Variants in BICD1 observed in about 807,000 individuals in gnomAD.
The protein encoded by BICD1 is protein bicaudal D homolog 1.
In BICD1, 35 loss-of-function variants were observed where a neutral mutation model predicts 92.5. The observed-to-expected ratio is 0.38, with a 90% CI of 0.29 to 0.50. The LOEUF (loss-of-function observed/expected upper bound fraction) is 0.50. BICD1 is among the 20% of genes least tolerant of loss of function. The pLI is 0.93. For missense variants in BICD1, 950 were observed against 1,189.8 expected, an observed-to-expected ratio of 0.80 and a Z score of 2.97; for synonymous variants, 429 against 465.1, an observed-to-expected ratio of 0.92 and a Z score of 1.00.
At chr12:32,299,344 A>C (rs1947968478) in intron 3 of BICD1, among the ~76,000 whole-genome samples, 5 of 152,122 alleles carry the variant, frequency 3.3e-5, no homozygotes, top group Admixed American at 3.3e-4. Context: ...GGCTCTAATC[A>C]CATGGTGCAG....
At chr12:32,147,485 TAAG>T (rs34003824) in intron 1 of BICD1, among the ~76,000 whole-genome samples, 27,073 of 152,142 alleles carry the variant, frequency 0.18, 2,488 homozygotes, top group East Asian at 0.21. Flanking sequence ...TACGATTTAC[TAAG>T]AAGAATTTTT....
intron 1 of BICD1, among the ~76,000 whole-genome samples, chr12:32,189,662 T>C (rs573025286): frequency 6.6e-6 from 1 of 151,666 alleles, no homozygotes; most frequent in Non-Finnish European, 1.5e-5. Flanking sequence ...ATCAACACCA[T>C]AGAATGGTGG....
At chr12:32,169,798 C>T (rs1805205678) in intron 1 of BICD1, among the ~76,000 whole-genome samples, 1 of 152,102 alleles carries the variant, frequency 6.6e-6, no homozygotes, top group South Asian at 2.1e-4. Flanking sequence ...CTGTGTTGCC[C>T]AGGCTGGTCT....
intron 1 of BICD1, among the ~76,000 whole-genome samples, chr12:32,113,784 A>C (rs1941787720): frequency 6.8e-6 from 1 of 148,038 alleles, no homozygotes; most frequent in Non-Finnish European, 1.5e-5. Flanking sequence ...ATCTCAGCTC[A>C]CTGCAACCTC....
intron 1 of BICD1, among the ~76,000 whole-genome samples, chr12:32,139,880 A>C (rs1467907384): frequency 6.6e-6 from 1 of 152,186 alleles, no homozygotes; most frequent in East Asian, 1.9e-4. Context: ...GTTAAAAAAA[A>C]AATACTGGTA....
At chr12:32,140,164 C>T (rs994658423) in intron 1 of BICD1, among the ~76,000 whole-genome samples, 1 of 152,036 alleles carries the variant, frequency 6.6e-6, no homozygotes, top group Non-Finnish European at 1.5e-5. Flanking sequence ...TTTTTTTTTC[C>T]TGCATGGGTC....
At chr12:32,142,405 T>TAAAAAAAAAAAAAAA (rs1162662533) in intron 1 of BICD1, among the ~76,000 whole-genome samples, 2 of 63,388 alleles carry the variant, frequency 3.2e-5, no homozygotes, top group African/African-American at 1.4e-4. Context: ...AGACTCTGTC[T>TAAAAAAAAAAAAAAA]AAAAAAAAAA....
chr12:32,277,406 C>T (rs1306972666), intron 2 of BICD1, among the ~76,000 whole-genome samples: 1 of 152,152 alleles, frequency 6.6e-6, no homozygotes, highest in Non-Finnish European at 1.5e-5. Flanking sequence ...AAAACAAAAA[C>T]AAACAGTAAC....
At chr12:32,127,378 C>T (rs1403583973) in intron 1 of BICD1, among the ~76,000 whole-genome samples, 22 of 152,076 alleles carry the variant, frequency 1.4e-4, no homozygotes, top group Non-Finnish European at 1.5e-5. Context: ...TCCACCCCAC[C>T]CCCCAATAAA....
chr12:32,149,099 C>T (rs1298969488), intron 1 of BICD1, among the ~76,000 whole-genome samples: 2 of 151,970 alleles, frequency 1.3e-5, no homozygotes, highest in East Asian at 1.9e-4. Flanking sequence ...CATTTTTAAG[C>T]ATTTCATACA....
chr12:32,334,373 C>A, intron 5 of BICD1, 143 bp from the exon 6 acceptor site: 1 of 832,102 alleles, frequency 1.2e-6, no homozygotes, highest in South Asian at 2.7e-5. Context: ...GTGTCCAAAG[C>A]GCATACCTAT....
At chr12:32,192,000 C>T (rs528242897) in intron 1 of BICD1, among the ~76,000 whole-genome samples, 10 of 152,116 alleles carry the variant, frequency 6.6e-5, no homozygotes, top group South Asian at 2.1e-4. Context: ...CACTTTAAAT[C>T]GAAATGTAGA....
chr12:32,327,461 G>A lies in BICD1; in HGVS notation c.1006G>A (p.Val336Ile), dbSNP rs749817151. Residue 336 changes from valine to isoleucine, a missense_variant and splice_region_variant, in exon 5 of 10, where the codon GTA becomes ATA. Around this residue, in one of 5 missense-constraint regions of BICD1, gnomAD observed 246 missense variants for 258.4 expected, o/e 0.95. Coordinates refer to ENST00000652176, the MANE Select transcript of BICD1 (RefSeq NM_001714.4). Reference protein sequence around the residue: ...IQKLKQQLMQVEREKAILLAN... With the variant: ...IQKLKQQLMQIEREKAILLAN... Reference sequence around the variant, plus strand: ...CAGAAACTTTCTTTTGCCATTGCAGGTAGAGCGGGAAAAGGCCATTCTTTT... The same window carrying A: ...CAGAAACTTTCTTTTGCCATTGCAGATAGAGCGGGAAAAGGCCATTCTTTT... The A allele has an allele frequency of 1.9e-6, 3 of 1,594,086 alleles. No homozygotes were observed. Among genetic ancestry groups the A allele is most frequent in the Admixed American group, 1.7e-5 (1 of 57,404 alleles).
intron 8 of BICD1, among the ~76,000 whole-genome samples, chr12:32,361,654 G>C (rs1424809657): frequency 6.6e-6 from 1 of 152,086 alleles, no homozygotes; most frequent in Non-Finnish European, 1.5e-5. Context: ...ATGGGAACAC[G>C]TGGAGCATCC....
At chr12:32,183,884 TA>T (rs1944352455) in intron 1 of BICD1, among the ~76,000 whole-genome samples, 1 of 152,130 alleles carries the variant, frequency 6.6e-6, no homozygotes, top group South Asian at 2.1e-4. Flanking sequence ...TAGAGGTTGC[TA>T]GGGGGAGGGT....
intron 1 of BICD1, among the ~76,000 whole-genome samples, chr12:32,142,440 C>T (rs1251584729): frequency 4.0e-5 from 1 of 25,044 alleles, no homozygotes; most frequent in Admixed American, 4.7e-4. Flanking sequence ...AACAAAAAAC[C>T]CCACCTATCT....
chr12:32,163,562 C>T (rs1440217937), intron 1 of BICD1, among the ~76,000 whole-genome samples: 2 of 152,104 alleles, frequency 1.3e-5, no homozygotes, highest in Admixed American at 6.6e-5. Context: ...CTTGTTCACT[C>T]AAGACTGTAT....
chr12:32,148,381 C>T (rs1668676303), intron 1 of BICD1, among the ~76,000 whole-genome samples: 1 of 152,144 alleles, frequency 6.6e-6, no homozygotes, highest in South Asian at 2.1e-4. Flanking sequence ...GAGAGTCTGC[C>T]TTTGAGCAGA....
At chr12:32,219,911 C>G (rs1228564140) in intron 2 of BICD1, among the ~76,000 whole-genome samples, 1 of 152,134 alleles carries the variant, frequency 6.6e-6, no homozygotes, top group East Asian at 1.9e-4. Flanking sequence ...ATCAATGGAA[C>G]AGAACAGAGC....
Sources: gnomAD v4.1 joint callset for allele counts (sites outside exome capture counted in the v4.1 genomes callset) on GRCh38, gnomAD v4.1.1 for gene constraint, gnomAD v4.1.1 regional missense constraint, MANE v1.5 for transcripts, NCBI Gene and HGNC (gene_info 2026-07-23, HGNC 2026-07-21) for gene names.